The following IQSEC1 variants were observed in gnomAD, a reference collection of about 807,000 sequenced individuals.
IQSEC1 encodes IQ motif and Sec7 domain ArfGEF 1.
IQSEC1 carries 31 observed loss-of-function variants against 91.0 expected under a neutral mutation model. The ratio of observed to expected loss-of-function variants is 0.34; its 90% CI spans 0.26 to 0.46. The LOEUF (loss-of-function observed/expected upper bound fraction) is 0.46, where lower values mean the gene tolerates loss of function less well. Among genes scored for constraint, IQSEC1 ranks in the 20% least tolerant of loss-of-function variants. The probability of loss-of-function intolerance (pLI) is 1.00; values close to 1 mark genes in which losing one functional copy is unlikely to be tolerated. For missense variants in IQSEC1, 1,388 were observed against 1,575.6 expected, an observed-to-expected ratio of 0.88 and a Z score of 2.02; for synonymous variants, 699 against 662.6, an observed-to-expected ratio of 1.05 and a Z score of -0.84.
At chr3:12,911,283 T>C (rs1291368994) in intron 10 of IQSEC1, among the ~76,000 whole-genome samples, 1 of 152,270 alleles carries the variant, frequency 6.6e-6, no homozygotes. Context: ...ACCTGTGTTC[T>C]GGGCCATGTT....
intron 1 of IQSEC1, among the ~76,000 whole-genome samples, chr3:13,192,449 A>G (rs1694052980): frequency 6.6e-6 from 1 of 152,184 alleles, no homozygotes. Context: ...TGCTGTCTAT[A>G]ACGCGAGGGA....
At chr3:13,022,671 G>C (rs190774969) in intron 1 of IQSEC1, 3 of 156,744 alleles carry the variant, frequency 1.9e-5, no homozygotes, top group Admixed American at 6.5e-5. Context: ...CCGCCCTGCA[G>C]CCCAAAGCCT....
intron 1 of IQSEC1, among the ~76,000 whole-genome samples, chr3:13,235,664 G>A (rs971272858): frequency 3.2e-4 from 49 of 152,274 alleles, no homozygotes; most frequent in Admixed American, 2.8e-3. Flanking sequence ...AGGTGGCCCG[G>A]GCGGAGGAAG....
At chr3:13,079,032 G>A (rs1030510842) in intron 2 of IQSEC1, among the ~76,000 whole-genome samples, 1 of 152,238 alleles carries the variant, frequency 6.6e-6, no homozygotes, top group Non-Finnish European at 1.5e-5. Flanking sequence ...GATTTAGAGA[G>A]AAGCACTGCT....
At chr3:12,915,373 C>T (rs1178164607) in intron 7 of IQSEC1, among the ~76,000 whole-genome samples, 1 of 152,228 alleles carries the variant, frequency 6.6e-6, no homozygotes, top group East Asian at 1.9e-4. Flanking sequence ...CCTGCTAGAT[C>T]ATTAAGAGCC....
chr3:13,154,462 T>TATATATAC (rs1553569718), intron 2 of IQSEC1, among the ~76,000 whole-genome samples: 1 of 116,440 alleles, frequency 8.6e-6, no homozygotes, highest in African/African-American at 3.4e-5. Flanking sequence ...TATATATATA[T>TATATATAC]ATATATATAT....
chr3:13,167,162 T>C (rs1336866059), intron 1 of IQSEC1, among the ~76,000 whole-genome samples: 3 of 152,188 alleles, frequency 2.0e-5, no homozygotes, highest in Non-Finnish European at 4.4e-5. Context: ...CCTGGAGCCT[T>C]CTCGTTCCTG....
intron 1 of IQSEC1, among the ~76,000 whole-genome samples, chr3:13,059,587 C>A (rs867216851): frequency 2.8e-4 from 42 of 152,012 alleles, no homozygotes; most frequent in South Asian, 1.5e-3. Context: ...CCAGTCTCTA[C>A]AAAAAAATAA....
intron 2 of IQSEC1, among the ~76,000 whole-genome samples, chr3:13,125,375 T>C (rs1263857944): frequency 6.6e-6 from 1 of 152,186 alleles, no homozygotes; most frequent in Non-Finnish European, 1.5e-5. Flanking sequence ...CTCTCTGTCA[T>C]TGCTCCCAGG....
At chr3:13,168,915 G>T (rs1693551111) in intron 1 of IQSEC1, among the ~76,000 whole-genome samples, 1 of 152,166 alleles carries the variant, frequency 6.6e-6, no homozygotes, top group African/African-American at 2.4e-5. Context: ...ATCTGAAATT[G>T]TCTTATTTGT....
chr3:12,914,998 G>T, intron 8 of IQSEC1, 106 bp downstream of exon 8: 1 of 1,136,484 alleles, frequency 8.8e-7, no homozygotes. Flanking sequence ...AACTCAAGCA[G>T]CCAGCACTTG....
chr3:12,987,184 A>G (rs1424950666), intron 1 of IQSEC1: 1 of 231,800 alleles, frequency 4.3e-6, no homozygotes, highest in Non-Finnish European at 9.2e-6. Context: ...AGCCCCACAG[A>G]CCTGTTTGGC....
At chr3:12,906,615 C>G (rs1467209907) in intron 12 of IQSEC1, among the ~76,000 whole-genome samples, 1 of 152,232 alleles carries the variant, frequency 6.6e-6, no homozygotes, top group African/African-American at 2.4e-5. Flanking sequence ...TCAGAATTCC[C>G]AAATGACAAC....
intron 2 of IQSEC1, among the ~76,000 whole-genome samples, chr3:13,125,116 T>G (rs906083881): frequency 1.3e-5 from 2 of 152,154 alleles, no homozygotes; most frequent in African/African-American, 2.4e-5. Context: ...TACAGCATGG[T>G]TTCTGCCACC....
rs189341080 is a variant in IQSEC1 at position 13,121,700 on chromosome 3, G to A, written c.302+42404C>T. ...TGGTAGCCTGGCCACTGACTGTGAG[G>A]TGCAAAAGAGAGCAGAGAGAATGGG... On this transcript the variant is annotated intron_variant, in intron 2 of 15. Transcript: ENST00000648114. Among the ~76,000 whole-genome samples, 580 of 152,342 alleles carry A rather than the reference G, an allele frequency of 3.8e-3. 2 individuals are homozygous for A. Among genetic ancestry groups the A allele is most frequent in the African/African-American group, 0.012 (494 of 41,582 alleles).
intron 2 of IQSEC1, among the ~76,000 whole-genome samples, chr3:13,114,787 C>T (rs1204821345): frequency 1.5e-4 from 18 of 119,368 alleles, no homozygotes; most frequent in Non-Finnish European, 8.1e-5. Context: ...AGTGAGACAT[C>T]GTCTCAAAAA....
In IQSEC1 at chr3:13,259,129, C is replaced by T. The variant is rs1373490632; in HGVS notation, c.272+23582G>A. ...TCTTCCCAATGCTTCCCCACAGCAG[C>T]CAGAAAAAAATCCCAACTGCCCCCA... is the stretch of plus-strand genomic sequence containing the variant. On this transcript the variant is annotated intron_variant, in intron 1 of 15. Coordinates refer to the IQSEC1 transcript ENST00000648114. This position sits in a 1 kb window ranked among gnomAD's most constrained non-coding sequence, Gnocchi z 4.6. Among the ~76,000 whole-genome samples, 1 of 152,194 alleles carries T rather than the reference C, an allele frequency of 6.6e-6. No individual in the cohort carries two copies.
chr3:13,064,011 A>C (rs1427330683), intron 1 of IQSEC1, among the ~76,000 whole-genome samples: 1 of 151,952 alleles, frequency 6.6e-6, no homozygotes, highest in Non-Finnish European at 1.5e-5. Flanking sequence ...TAAAAAAAAA[A>C]AAAACAAAAA....
chr3:13,046,331 C>T (rs1020874804), intron 1 of IQSEC1, among the ~76,000 whole-genome samples: 3 of 152,248 alleles, frequency 2.0e-5, no homozygotes, highest in Admixed American at 6.5e-5. Context: ...TGTGTGTACA[C>T]GTGTGTACCA....
Sources: gnomAD v4.1 joint callset for allele counts (sites outside exome capture counted in the v4.1 genomes callset) on GRCh38, gnomAD v4.1.1 for gene constraint, Gnocchi (gnomAD v3.1) non-coding constraint, MANE v1.5 for transcripts, NCBI Gene and HGNC (gene_info 2026-07-23, HGNC 2026-07-21) for gene names.